Variants in PSME4 observed in about 807,000 individuals in gnomAD.
PSME4 encodes the protein proteasome activator complex subunit 4.
PSME4 carries 89 observed loss-of-function variants against 253.9 expected under a neutral mutation model. The observed-to-expected ratio is 0.35, with a 90% CI of 0.30 to 0.42. The LOEUF (loss-of-function observed/expected upper bound fraction) is 0.42, where lower values mean the gene tolerates loss of function less well. Ranked by LOEUF, PSME4 falls within the 10% of genes least tolerant of loss-of-function variation. The pLI, the probability that PSME4 is intolerant of heterozygous loss-of-function variation, is 1.00. For synonymous variants in PSME4, 851 were observed against 759.2 expected (o/e 1.12, Z -1.99); for missense variants, 2,014 against 2,195.2 (o/e 0.92, Z 1.65).
rs1283412915 is a variant in PSME4, at chr2:53,923,139, G to A, written c.1909-21C>T. The A allele has an allele frequency of 5.1e-6, 8 of 1,582,270 alleles. No individual in the cohort carries two copies. The African/African-American group carries it at 8.2e-5, about 16-fold the overall frequency. ...CAGCACTGAAAATGTATTTGTATAA[G>A]TAAGGCTTTTTTGAAAGGCAAATAT... On this transcript the variant is annotated intron_variant, in intron 15 of 46. Transcript: ENST00000404125.
chr2:53,915,907 C>A (rs1052656466), intron 20 of PSME4, among the ~76,000 whole-genome samples: 7 of 151,944 alleles, frequency 4.6e-5, no homozygotes, highest in Non-Finnish European at 7.4e-5. Flanking sequence ...CCTATCTCTA[C>A]TAAAAATACA....
chr2:53,921,196 A>C, intron 17 of PSME4, 92 bp from the exon 18 acceptor site: 1 of 1,536,426 alleles, frequency 6.5e-7, no homozygotes, highest in Non-Finnish European at 8.7e-7. Flanking sequence ...CCACTAACCT[A>C]GTGTTTCTCT....
intron 10 of PSME4, among the ~76,000 whole-genome samples, chr2:53,929,859 A>T (rs1021978115): frequency 6.6e-6 from 1 of 151,898 alleles, no homozygotes; most frequent in African/African-American, 2.4e-5. Flanking sequence ...CTCTACTAAA[A>T]ATACAAAAAT....
intron 14 of PSME4, 36 bp downstream of exon 14, chr2:53,925,503 A>G: frequency 6.8e-7 from 1 of 1,469,830 alleles, no homozygotes. Context: ...TGAAACTTAA[A>G]AGCTGGAAGT....
chr2:53,868,857 A>C (rs1384787993), intron 44 of PSME4, among the ~76,000 whole-genome samples: 1 of 151,990 alleles, frequency 6.6e-6, no homozygotes, highest in Non-Finnish European at 1.5e-5. Context: ...TTCTTTTTAA[A>C]CATGACATAG....
At chr2:53,870,378 T>G (rs1558640179) in intron 43 of PSME4, 2 of 148,274 alleles carry the variant, frequency 1.3e-5, no homozygotes, top group South Asian at 2.2e-4. Flanking sequence ...TTTTCGTTTT[T>G]TTTTTTTTTT....
chr2:53,890,678 A>G (rs535985132), intron 36 of PSME4, among the ~76,000 whole-genome samples: 1 of 152,174 alleles, frequency 6.6e-6, no homozygotes, highest in African/African-American at 2.4e-5. Context: ...GGTATAGGTG[A>G]AATTTTTTCC....
intron 41 of PSME4, among the ~76,000 whole-genome samples, chr2:53,877,750 G>A (rs1318092364): frequency 6.6e-6 from 1 of 152,154 alleles, no homozygotes; most frequent in African/African-American, 2.4e-5. Flanking sequence ...TCAGAAAGAT[G>A]GCTCAGAGGA....
rs1466206493 is a variant in PSME4 at position 53,932,711 on chromosome 2, C to T, written c.1007G>A (p.Ser336Asn). The T allele has an allele frequency of 1.2e-6, 2 of 1,613,904 alleles. No homozygotes were observed. The highest frequency in any genetic ancestry group is 1.7e-6 in the Non-Finnish European group (2 of 1,179,894). Residue 336 changes from serine (S) to asparagine (N), a missense_variant, in exon 9 of 47, where the codon AGC becomes AAC. Coordinates refer to ENST00000404125, the MANE Select transcript of PSME4 (RefSeq NM_014614.3). ...VQKHLAGLFN[S>N]ITSFYHPSNN... ...TGAAGGATGGTAAAAAGATGTGATG[C>T]TGTTAAACAAACCAGCTAAGTGTTT...
intron 43 of PSME4, among the ~76,000 whole-genome samples, chr2:53,873,596 T>C (rs1171191510): frequency 6.6e-6 from 1 of 152,230 alleles, no homozygotes; most frequent in African/African-American, 2.4e-5. Flanking sequence ...TATCTTTTTG[T>C]ACAAACCATT....
At chr2:53,879,289 G>A (rs1679273012) in intron 41 of PSME4, among the ~76,000 whole-genome samples, 1 of 152,228 alleles carries the variant, frequency 6.6e-6, no homozygotes. Context: ...ATTGGATCTA[G>A]AGAGTGTCTG....
intron 1 of PSME4, among the ~76,000 whole-genome samples, chr2:53,954,977 C>T (rs1670165545): frequency 6.6e-6 from 1 of 151,770 alleles, no homozygotes; most frequent in Non-Finnish European, 1.5e-5. Flanking sequence ...GACAGGAATT[C>T]AAGACTAGCC....
chr2:53,940,096 A>G, intron 3 of PSME4, 96 bp from the exon 4 acceptor site: 1 of 966,400 alleles, frequency 1.0e-6, no homozygotes, highest in African/African-American at 1.7e-5. Flanking sequence ...TCACACATTC[A>G]GGTATTATTT....
intron 1 of PSME4, among the ~76,000 whole-genome samples, chr2:53,960,561 G>C (rs908372208): frequency 7.2e-5 from 11 of 152,174 alleles, no homozygotes; most frequent in Non-Finnish European, 1.5e-4. Flanking sequence ...AACATTTATT[G>C]ATTTCAACCA....
At chr2:53,874,531 A>G (rs1408683680) in intron 42 of PSME4, 37 bp from the exon 43 acceptor site, 10 of 1,580,480 alleles carry the variant, frequency 6.3e-6, no homozygotes, top group East Asian at 2.2e-5. Context: ...ATAAAGCAGT[A>G]CTGACAAGAA....
chr2:53,887,720 G>A (rs780730987), intron 39 of PSME4, 138 bp downstream of exon 39: 18 of 1,172,938 alleles, frequency 1.5e-5, no homozygotes, highest in Non-Finnish European at 2.1e-5. Context: ...TGTTTCCCAC[G>A]ACACAATAGC....
intron 3 of PSME4, among the ~76,000 whole-genome samples, chr2:53,940,956 T>C (rs58916537): frequency 0.018 from 686 of 38,214 alleles, 54 homozygotes; most frequent in African/African-American, 0.044. Context: ...TATATACATA[T>C]ATATATATAT....
In PSME4 at chr2:53,940,958, TATATATATATATATATATA is replaced by T. The variant is rs1669399425; in HGVS notation, c.501-977_501-959del. On this transcript the variant is annotated intron_variant, in intron 3 of 46. Transcript: ENST00000404125. ...ATATATAAATATATATATACATATA[TATATATATATATATATATA>T]TATATATATATATATATATATATGA... Among the ~76,000 whole-genome samples, 55 of 49,622 alleles carry T rather than the reference TATATATATATATATATATA, an allele frequency of 1.1e-3. 1 individual carries two copies. Among genetic ancestry groups the T allele is most frequent in the South Asian group, 8.3e-3 (10 of 1,198 alleles). 32.6% of individuals were successfully genotyped at this position (49,622 alleles called of 152,430 possible).
chr2:53,940,922 A>ATG (rs1327073743), intron 3 of PSME4, among the ~76,000 whole-genome samples: 1 of 128,370 alleles, frequency 7.8e-6, no homozygotes, highest in Middle Eastern at 3.8e-3. Context: ...ATTTAAATAT[A>ATG]TATATAATAC....
Sources: gnomAD v4.1 joint callset for allele counts (sites outside exome capture counted in the v4.1 genomes callset) on GRCh38, gnomAD v4.1.1 for gene constraint, MANE v1.5 for transcripts, NCBI Gene and HGNC (gene_info 2026-07-23, HGNC 2026-07-21) for gene names.